Variants in WDR64 observed in about 807,000 individuals in gnomAD.
WDR64 encodes the protein WD repeat domain 64.
WDR64 carries 112 observed loss-of-function variants against 139.3 expected under a neutral mutation model. That is an observed-to-expected ratio of 0.80 (90% confidence interval 0.69 to 0.94). WDR64 has a LOEUF of 0.94. WDR64 is among the 40% of genes least tolerant of loss of function. The probability of loss-of-function intolerance (pLI) is 0.00; values close to 1 mark genes in which losing one functional copy is unlikely to be tolerated. For synonymous variants in WDR64, 444 were observed against 437.7 expected (o/e 1.01, Z -0.18); for missense variants, 1,206 against 1,293.1 (o/e 0.93, Z 1.03).
intron 7 of WDR64, 132 bp from the exon 8 acceptor site, chr1:241,687,329 T>A (rs1316332153): frequency 3.1e-5 from 28 of 897,710 alleles, no homozygotes; most frequent in Non-Finnish European, 3.9e-5. Flanking sequence ...AAAGGTGTTA[T>A]AATGCATTGG....
intron 14 of WDR64, among the ~76,000 whole-genome samples, chr1:241,754,053 G>GA (rs1393108404): frequency 3.3e-5 from 5 of 151,068 alleles, no homozygotes; most frequent in Admixed American, 6.6e-5. Context: ...CCAAAATGCA[G>GA]AAAAAAAACT....
intron 8 of WDR64, among the ~76,000 whole-genome samples, chr1:241,709,271 G>A (rs779088736): frequency 1.3e-5 from 2 of 152,064 alleles, no homozygotes; most frequent in Non-Finnish European, 2.9e-5. Context: ...CACTCTATGG[G>A]CTTTTGTTTA....
At chr1:241,735,849 CTCTCTCTGTGTGTGTGTG>C (rs1322314058) in intron 10 of WDR64, among the ~76,000 whole-genome samples, 3 of 89,448 alleles carry the variant, frequency 3.4e-5, no homozygotes, top group African/African-American at 1.5e-4. Flanking sequence ...CTCTCTCTCT[CTCTCTCTGTGTGTGTGTG>C]TGTGTGTGTG....
chr1:241,747,451 TTC>T (rs1372196876), intron 13 of WDR64, among the ~76,000 whole-genome samples: 4 of 152,228 alleles, frequency 2.6e-5, no homozygotes, highest in Admixed American at 6.5e-5. Flanking sequence ...TTTTGCAACT[TTC>T]TGTTTCTTTT....
At position 241,738,487 on chromosome 1, in the gene WDR64, C is replaced by A; in HGVS notation, c.1319C>A (p.Thr440Lys). The change falls in exon 11 of 28, where the codon ACG (threonine) becomes AAG (lysine). Residue 440 changes from threonine (T) to lysine (K), a missense_variant and splice_region_variant. Physicochemically the swap from Thr to Lys is moderately conservative, Grantham distance 78. Transcript: ENST00000437684. ...IYDANHGMLI[T>K]GSSVMDMYPL... Reference sequence around the variant, plus strand: ...GATGCCAATCATGGCATGCTTATTACGGGTAAGTGTACCCAATTAATGTCA... The same window carrying A: ...GATGCCAATCATGGCATGCTTATTAAGGGTAAGTGTACCCAATTAATGTCA... 8.7e-6 allele frequency: 14 copies of A among 1,605,904 alleles called. No individual in the cohort carries two copies. The highest frequency in any genetic ancestry group is 1.2e-5 in the Non-Finnish European group (14 of 1,177,174).
chr1:241,696,451 G>C (rs924769975), intron 8 of WDR64, among the ~76,000 whole-genome samples: 1 of 152,140 alleles, frequency 6.6e-6, no homozygotes, highest in Non-Finnish European at 1.5e-5. Flanking sequence ...AGGAATAAAA[G>C]AATGGCTACT....
intron 1 of WDR64, among the ~76,000 whole-genome samples, chr1:241,654,622 G>C (rs1306952576): frequency 1.3e-5 from 2 of 152,018 alleles, no homozygotes; most frequent in African/African-American, 4.8e-5. Flanking sequence ...CTCAGTCTTA[G>C]AGCATAGCTA....
intron 14 of WDR64, among the ~76,000 whole-genome samples, chr1:241,754,743 C>T (rs1670115115): frequency 1.3e-5 from 2 of 152,126 alleles, no homozygotes; most frequent in Admixed American, 6.5e-5. Flanking sequence ...CTGACAGGCC[C>T]CAGTGTGTGA....
intron 10 of WDR64, among the ~76,000 whole-genome samples, chr1:241,726,124 T>C (rs1297448871): frequency 1.3e-5 from 2 of 152,144 alleles, no homozygotes. Context: ...TTGCCCGAAC[T>C]TCTGGGCTCA....
chr1:241,758,629 C>T lies in WDR64; in HGVS notation c.1947+1170C>T, dbSNP rs113305667. Among the ~76,000 whole-genome samples, 967 of 152,236 alleles carry T rather than the reference C, an allele frequency of 6.4e-3. 11 individuals are homozygous for T. The highest frequency in any genetic ancestry group is 0.014 in the Middle Eastern group (4 of 294). ...AAATTTAAATGCTCTTGATGTGTTT[C>T]AGTCAATTTAATTTGCTACTATTAT... On this transcript the variant is annotated intron_variant, in intron 15 of 27. Coordinates refer to ENST00000437684, the MANE Select transcript of WDR64 (RefSeq NM_001367482.1).
chr1:241,702,427 G>A (rs1218593447), intron 8 of WDR64, among the ~76,000 whole-genome samples: 1 of 151,714 alleles, frequency 6.6e-6, no homozygotes. Context: ...GTTAACTCAC[G>A]TAAAGTGCCT....
Position 241,669,967 on chromosome 1 carries a change from A to C in WDR64, c.277-1107A>C, listed in dbSNP as rs145583429. ...AGATATCCGGGTGGCTAGTATGCACAGTGAAATTTCAAAAGGATTCCTCAG... is the reference window on the plus strand; with the variant it reads ...AGATATCCGGGTGGCTAGTATGCACCGTGAAATTTCAAAAGGATTCCTCAG... On this transcript the variant is annotated intron_variant, in intron 2 of 27. Transcript: ENST00000437684. Among the ~76,000 whole-genome samples, 11 of 152,322 alleles carry C rather than the reference A, an allele frequency of 7.2e-5. No homozygotes were observed. In the East Asian group the frequency reaches 2.1e-3, roughly 29 times the overall value.
chr1:241,792,675 G>A (rs1007401888), intron 25 of WDR64, among the ~76,000 whole-genome samples: 7 of 152,214 alleles, frequency 4.6e-5, no homozygotes, highest in Middle Eastern at 3.2e-3. Flanking sequence ...TGAGCAAGAT[G>A]GCAGAGGAGG....
At chr1:241,800,254 A>G (rs1659482171) in intron 27 of WDR64, among the ~76,000 whole-genome samples, 1 of 152,118 alleles carries the variant, frequency 6.6e-6, no homozygotes, top group Non-Finnish European at 1.5e-5. Flanking sequence ...TCCAAGCTTA[A>G]AGGATCCGTA....
rs143302069 is a variant in WDR64, at chr1:241,675,371, G to A, written c.483+624G>A. Among the ~76,000 whole-genome samples, 116 of 150,294 alleles carry A rather than the reference G, an allele frequency of 7.7e-4. 2 individuals are homozygous for A. The East Asian group carries it at 0.02, about 25-fold the overall frequency. On this transcript the variant is annotated intron_variant, in intron 4 of 27. Transcript: ENST00000437684. ...ATTATGCATATGTATCAGGTACAGC[G>A]GAAACCATAAATTATATTTTAGAGT...
At chr1:241,686,011 C>T (rs1049431535) in intron 7 of WDR64, among the ~76,000 whole-genome samples, 6 of 152,114 alleles carry the variant, frequency 3.9e-5, no homozygotes, top group African/African-American at 1.4e-4. Flanking sequence ...ATTTAGAAGT[C>T]TGAGGAAGTT....
At chr1:241,678,277 C>G in intron 5 of WDR64, 61 bp downstream of exon 5, 1 of 398,552 alleles carries the variant, frequency 2.5e-6, no homozygotes, top group East Asian at 3.6e-5. Flanking sequence ...ATGTTTCCTT[C>G]ACAATTAATT....
intron 8 of WDR64, among the ~76,000 whole-genome samples, chr1:241,700,266 T>C (rs1667661339): frequency 6.6e-6 from 1 of 151,270 alleles, no homozygotes; most frequent in Non-Finnish European, 1.5e-5. Flanking sequence ...AGGCCACCAA[T>C]TCTTGTAAGT....
At chr1:241,685,039 G>A (rs1409897770) in intron 7 of WDR64, among the ~76,000 whole-genome samples, 1 of 151,918 alleles carries the variant, frequency 6.6e-6, no homozygotes, top group Non-Finnish European at 1.5e-5. Flanking sequence ...TTATAGGCTT[G>A]AGCCACCGTG....
Sources: allele counts gnomAD v4.1 joint callset (sites outside exome capture counted in the v4.1 genomes callset), GRCh38; gene constraint gnomAD v4.1.1; transcripts MANE v1.5; gene names NCBI Gene and HGNC (gene_info 2026-07-23, HGNC 2026-07-21).